Variants in EHMT1 observed in about 807,000 individuals in gnomAD.
The protein encoded by EHMT1 is euchromatic histone lysine methyltransferase 1, also known as histone-lysine N-methyltransferase EHMT1.
EHMT1 carries 15 observed loss-of-function variants against 147.2 expected under a neutral mutation model. The ratio of observed to expected loss-of-function variants is 0.10; its 90% CI spans 0.07 to 0.16. The LOEUF is 0.16. Ranked by LOEUF, EHMT1 falls within the 10% of genes least tolerant of loss-of-function variation. The pLI is 1.00. For missense variants in EHMT1, 1,587 were observed against 1,772.4 expected, an observed-to-expected ratio of 0.90 and a Z score of 1.88; for synonymous variants, 795 against 709.6, an observed-to-expected ratio of 1.12 and a Z score of -1.91.
In EHMT1 at chr9:137,719,780, G is replaced by A. The variant is rs545494359; in HGVS notation, c.642+2598G>A. 6.2e-4 allele frequency among the ~76,000 whole-genome samples: 95 copies of A among 152,258 alleles called. No homozygotes were observed. The Middle Eastern group carries it at 0.01, about 16-fold the overall frequency. On this transcript the variant is annotated intron_variant, in intron 3 of 26. Transcript: ENST00000460843. ...TGCAGGGTGTTCTGTGCAGTTTACCGTGTGTGGATGTGTGGAAACACCACT... is the reference window on the plus strand; with the variant it reads ...TGCAGGGTGTTCTGTGCAGTTTACCATGTGTGGATGTGTGGAAACACCACT...
intron 1 of EHMT1, among the ~76,000 whole-genome samples, chr9:137,692,271 T>C (rs1179710782): frequency 6.7e-5 from 10 of 148,200 alleles, no homozygotes; most frequent in East Asian, 4.0e-4. Context: ...TTCTTTCTTT[T>C]TTTTTTTTTT....
At chr9:137,619,405 C>T (rs1443450286) in intron 1 of EHMT1, among the ~76,000 whole-genome samples, 8 of 151,910 alleles carry the variant, frequency 5.3e-5, no homozygotes, top group East Asian at 2.0e-4. Context: ...GGGAGGGCCT[C>T]GGCCAGGGTG....
intron 4 of EHMT1, among the ~76,000 whole-genome samples, chr9:137,735,513 A>C (rs981884256): frequency 4.6e-5 from 7 of 152,254 alleles, no homozygotes; most frequent in Admixed American, 1.3e-4. Flanking sequence ...TACGTGTAGC[A>C]AACATAGCAA....
chr9:137,762,833 G>T lies in EHMT1; in HGVS notation c.1647+13G>T. The T allele has an allele frequency of 6.2e-7, 1 of 1,614,030 alleles. No individual in the cohort carries two copies. The highest frequency in any genetic ancestry group is 8.5e-7 in the Non-Finnish European group (1 of 1,180,042). ...CGTGGACCATGAAGTAAGCACGTTT[G>T]TTTTCATTTAAAGCAGCCACGAGGA... On this transcript the variant is annotated intron_variant, in intron 10 of 26. Transcript: ENST00000460843.
In EHMT1 at chr9:137,715,484, T is replaced by C. The variant is rs77842280; in HGVS notation, c.86-1142T>C. ...AAGGACAGACGGCCAGCATGACAGA[T>C]GATCAGGTCTGTTGTGCTCGAGGTG... On this transcript the variant is annotated intron_variant, in intron 2 of 26. Transcript: ENST00000460843. 3.3e-4 allele frequency: 313 copies of C among 945,756 alleles called. 2 individuals are homozygous for C. The African/African-American group carries it at 5.4e-3, about 16-fold the overall frequency. The allele number at this position is 945,756 out of a possible 1,614,324, so 58.6% of individuals were successfully genotyped here.
rs565782898 is a variant in EHMT1 at position 137,662,947 on chromosome 9, C to T, written c.21+43898C>T. Among the ~76,000 whole-genome samples, 6 of 152,102 alleles carry T rather than the reference C, an allele frequency of 3.9e-5. No individual in the cohort carries two copies. In the East Asian group the frequency reaches 1.2e-3, roughly 30 times the overall value. On this transcript the variant is annotated intron_variant, in intron 1 of 26. Transcript: ENST00000460843. ...TAGCTGGGATTACAGGTGCACGCCA[C>T]CATGCCCGGCTAATTTTTGTACTTT...
At chr9:137,645,093 G>A (rs1473834537) in intron 1 of EHMT1, among the ~76,000 whole-genome samples, 1 of 152,002 alleles carries the variant, frequency 6.6e-6, no homozygotes, top group Non-Finnish European at 1.5e-5. Flanking sequence ...GGCTGCTCTC[G>A]AGCTCCTGGC....
intron 1 of EHMT1, among the ~76,000 whole-genome samples, chr9:137,642,869 G>C (rs1304812813): frequency 6.6e-6 from 1 of 151,984 alleles, no homozygotes. Context: ...TTTTACTGGC[G>C]CTCTTGATTG....
chr9:137,709,851 T>C (rs1944546412), intron 1 of EHMT1, among the ~76,000 whole-genome samples: 1 of 152,130 alleles, frequency 6.6e-6, no homozygotes, highest in Admixed American at 6.5e-5. Flanking sequence ...ACCCGGAGGC[T>C]TCCTGCCCAC....
chr9:137,625,821 AGTT>A (rs1843217063), intron 1 of EHMT1, among the ~76,000 whole-genome samples: 2 of 151,216 alleles, frequency 1.3e-5, no homozygotes, highest in South Asian at 4.1e-4. Flanking sequence ...TTTTAACTTC[AGTT>A]GTTATTTATA....
chr9:137,716,945 G>A lies in EHMT1; in HGVS notation c.405G>A (p.Gln135=), dbSNP rs200982880. 1.2e-6 allele frequency: 2 copies of A among 1,612,920 alleles called. No individual in the cohort carries two copies. The highest frequency in any genetic ancestry group is 2.2e-5 in the South Asian group (2 of 91,088). ...YILNKPALQA[Q]PLRTTSTLAS... ...TAAATAAGCCGGCCCTACAGGCACAGCCCTTGAGGACTACCAGCACTCTGG... is the reference window on the plus strand; with the variant it reads ...TAAATAAGCCGGCCCTACAGGCACAACCCTTGAGGACTACCAGCACTCTGG... The change falls in exon 3 of 27, where the codon CAG becomes CAA. Residue 135 remains glutamine, a synonymous_variant. Transcript: ENST00000460843.
chr9:137,623,107 G>A (rs1843036082), intron 1 of EHMT1, among the ~76,000 whole-genome samples: 1 of 151,476 alleles, frequency 6.6e-6, no homozygotes, highest in Admixed American at 6.6e-5. Context: ...CAGCTACTCG[G>A]GAGGCTGAGG....
intron 1 of EHMT1, among the ~76,000 whole-genome samples, chr9:137,681,660 C>A (rs1163964930): frequency 6.6e-6 from 1 of 152,134 alleles, no homozygotes; most frequent in Non-Finnish European, 1.5e-5. Flanking sequence ...CGCCCGTCCA[C>A]TTTCTCTCCT....
chr9:137,728,087 C>T (rs762695951), intron 3 of EHMT1, among the ~76,000 whole-genome samples: 47 of 152,212 alleles, frequency 3.1e-4, no homozygotes, highest in Non-Finnish European at 5.7e-4. Context: ...GCTCATTCCT[C>T]CTTCTGGCCT....
At chr9:137,780,885 G>A (rs369358593) in intron 14 of EHMT1, among the ~76,000 whole-genome samples, 53 of 100,960 alleles carry the variant, frequency 5.2e-4, no homozygotes, top group East Asian at 2.8e-3. Flanking sequence ...GGGATGTGTG[G>A]TGATGACGCT....
At chr9:137,628,966 T>A (rs191503807) in intron 1 of EHMT1, among the ~76,000 whole-genome samples, 13 of 152,052 alleles carry the variant, frequency 8.5e-5, no homozygotes, top group Non-Finnish European at 1.6e-4. Flanking sequence ...GGAACTTTAT[T>A]TTTTTTTTCA....
intron 3 of EHMT1, among the ~76,000 whole-genome samples, chr9:137,724,054 A>G (rs1299661891): frequency 6.6e-6 from 1 of 152,188 alleles, no homozygotes; most frequent in African/African-American, 2.4e-5. Context: ...ATTTCCTTGT[A>G]AATTGTGCCC....
chr9:137,778,166 G>A (rs1416099173), intron 13 of EHMT1, 111 bp downstream of exon 13: 2 of 1,323,954 alleles, frequency 1.5e-6, no homozygotes, highest in Non-Finnish European at 2.1e-6. Flanking sequence ...GATTAATGCT[G>A]TTCGTTAGAA....
At chr9:137,763,231 C>T in intron 10 of EHMT1, 1 of 373,088 alleles carries the variant, frequency 2.7e-6, no homozygotes, top group Non-Finnish European at 5.0e-6. Flanking sequence ...CCTCGGCCAC[C>T]TCCCTCCTTT....
Sources: gnomAD v4.1 joint callset for allele counts (sites outside exome capture counted in the v4.1 genomes callset) on GRCh38, gnomAD v4.1.1 for gene constraint, MANE v1.5 for transcripts, NCBI Gene and HGNC (gene_info 2026-07-23, HGNC 2026-07-21) for gene names.